Variants in RTL4 observed in about 807,000 individuals in gnomAD.
The protein encoded by RTL4 is retrotransposon Gag like 4, also known as retrotransposon Gag-like protein 4.
In RTL4, 4 loss-of-function variants were observed where a neutral mutation model predicts 5.3. The observed-to-expected ratio is 0.75, with a 90% CI of 0.37 to 1.72. The LOEUF is 1.72. Ranked by LOEUF, RTL4 falls within the 40% of genes most tolerant of loss-of-function variation. The probability of loss-of-function intolerance (pLI) is 0.04; values close to 1 mark genes in which losing one functional copy is unlikely to be tolerated. For synonymous variants in RTL4, 98 were observed against 87.3 expected (o/e 1.12, Z -0.68); for missense variants, 260 against 227.1 (o/e 1.14, Z -0.93).
upstream of RTL4, among the ~76,000 whole-genome samples, chrX:112,452,790 G>A (rs1237971092): frequency 9.0e-6 from 1 of 111,448 alleles, no homozygotes; most frequent in Non-Finnish European, 1.9e-5. Context: ...CCAGCACTTC[G>A]GGAGACCGAG....
chrX:112,128,391 C>T, the RTL4 span, among the ~76,000 whole-genome samples: 2 of 111,496 alleles, frequency 1.8e-5, no homozygotes, highest in African/African-American at 3.3e-5. Context: ...GGGCCCGGCG[C>T]GGTGGCTCAC....
At chrX:112,365,270 T>A in the RTL4 span, among the ~76,000 whole-genome samples, 1 of 111,145 alleles carries the variant, frequency 9.0e-6, no homozygotes, top group East Asian at 2.8e-4. Flanking sequence ...AGCAAAGTAG[T>A]CTGGTTAGAA....
At chrX:112,413,966 A>G in the RTL4 span, among the ~76,000 whole-genome samples, 1 of 111,199 alleles carries the variant, frequency 9.0e-6, no homozygotes, top group Non-Finnish European at 1.9e-5. Context: ...CCATAAATAT[A>G]TATACCTACT....
At chrX:112,169,930 T>C in the RTL4 span, among the ~76,000 whole-genome samples, 436 of 112,004 alleles carry the variant, frequency 3.9e-3, 2 homozygotes, top group African/African-American at 0.014. Context: ...GAATTTGCAT[T>C]AGGTACTTTA....
the RTL4 span, among the ~76,000 whole-genome samples, chrX:112,359,626 C>T: frequency 1.8e-5 from 2 of 111,127 alleles, no homozygotes; most frequent in Non-Finnish European, 3.8e-5. Context: ...GTCTTCCACT[C>T]CTTATACTTT....
At chrX:112,372,105 G>A in the RTL4 span, among the ~76,000 whole-genome samples, 1 of 111,280 alleles carries the variant, frequency 9.0e-6, no homozygotes, top group Non-Finnish European at 1.9e-5. Flanking sequence ...CACTGCAGAA[G>A]GCCCCTTGAT....
the RTL4 span, chrX:112,382,095 G>A: frequency 1.7e-6 from 2 of 1,209,021 alleles, no homozygotes; most frequent in Non-Finnish European, 2.2e-6. Context: ...CAGGAACAGT[G>A]GTATCTGGAG....
chrX:112,449,461 A>G, the RTL4 span, among the ~76,000 whole-genome samples: 1 of 112,081 alleles, frequency 8.9e-6, no homozygotes, highest in Non-Finnish European at 1.9e-5. Context: ...ATAATGAAAC[A>G]GAAAGGACCT....
At chrX:112,349,234 A>T in the RTL4 span, among the ~76,000 whole-genome samples, 1 of 111,693 alleles carries the variant, frequency 9.0e-6, no homozygotes, top group Admixed American at 9.5e-5. Context: ...CTCCCTACAG[A>T]ATGAGTGTGA....
At chrX:112,097,889 TG>T in the RTL4 span, among the ~76,000 whole-genome samples, 1 of 111,379 alleles carries the variant, frequency 9.0e-6, no homozygotes, top group Non-Finnish European at 1.9e-5. Flanking sequence ...TTTTTCAATT[TG>T]GCCCTGGCTA....
chrX:112,440,817 C>T, the RTL4 span, among the ~76,000 whole-genome samples: 10 of 112,060 alleles, frequency 8.9e-5, no homozygotes, highest in East Asian at 2.5e-3. Flanking sequence ...CTAGCCAAAA[C>T]ATCTTATTCA....
the RTL4 span, among the ~76,000 whole-genome samples, chrX:112,259,356 A>T: frequency 9.0e-6 from 1 of 111,291 alleles, no homozygotes; most frequent in Non-Finnish European, 1.9e-5. Flanking sequence ...GTTCTGTTTG[A>T]AACAGAATCT....
chrX:112,226,927 A>AAAT, the RTL4 span, among the ~76,000 whole-genome samples: 4 of 95,986 alleles, frequency 4.2e-5, no homozygotes, highest in African/African-American at 1.6e-4. Flanking sequence ...CCGTCTCAAA[A>AAAT]AATAAAATAA....
chrX:112,391,819 T>C, the RTL4 span, among the ~76,000 whole-genome samples: 2 of 111,382 alleles, frequency 1.8e-5, no homozygotes, highest in East Asian at 5.7e-4. Context: ...AATCTCAGTG[T>C]TTATGTTCCT....
the RTL4 span, among the ~76,000 whole-genome samples, chrX:112,403,077 G>C: frequency 8.9e-6 from 1 of 111,782 alleles, no homozygotes; most frequent in Non-Finnish European, 1.9e-5. Context: ...TTCTGAAGTA[G>C]TGAAATGGAA....
chrX:112,235,977 C>T, the RTL4 span, among the ~76,000 whole-genome samples: 2 of 111,214 alleles, frequency 1.8e-5, no homozygotes, highest in African/African-American at 6.5e-5. Flanking sequence ...ACTCATGTAT[C>T]CCAGGTGGTA....
chrX:112,388,848 A>G, the RTL4 span, among the ~76,000 whole-genome samples: 3 of 111,627 alleles, frequency 2.7e-5, no homozygotes, highest in Non-Finnish European at 5.6e-5. Flanking sequence ...ATCGATGTTC[A>G]TCAAGGATAT....
the RTL4 span, among the ~76,000 whole-genome samples, chrX:112,343,338 G>T: frequency 9.0e-6 from 1 of 111,417 alleles, no homozygotes; most frequent in African/African-American, 3.3e-5. Context: ...GATAGTAGTT[G>T]GAACCTAACT....
the RTL4 span, among the ~76,000 whole-genome samples, chrX:112,177,807 T>A: frequency 9.0e-6 from 1 of 111,324 alleles, no homozygotes; most frequent in African/African-American, 3.3e-5. Flanking sequence ...CACATTTAGA[T>A]AACTATTTCC....
Sources: allele counts gnomAD v4.1 joint callset (sites outside exome capture counted in the v4.1 genomes callset), GRCh38; gene constraint gnomAD v4.1.1; transcripts MANE v1.5; gene names NCBI Gene and HGNC (gene_info 2026-07-23, HGNC 2026-07-21).